The following MBD5 variants were observed in gnomAD, a reference collection of about 807,000 sequenced individuals.
MBD5 encodes methyl-CpG binding domain protein 5, also known as methyl-CpG-binding domain protein 5.
Under a neutral mutation model 117.3 loss-of-function variants are expected in MBD5, and 13 were observed. That is an observed-to-expected ratio of 0.11 (90% CI 0.07 to 0.18). MBD5 has a LOEUF of 0.18. Among genes scored for constraint, MBD5 ranks in the 10% least tolerant of loss-of-function variants. The pLI, the probability that MBD5 is intolerant of heterozygous loss-of-function variation, is 1.00. For synonymous variants in MBD5, 727 were observed against 766.4 expected, an observed-to-expected ratio of 0.95 and a Z score of 0.85; for missense variants, 1,879 against 2,093.8, an observed-to-expected ratio of 0.90 and a Z score of 2.00.
chr2:148,102,467 G>A (rs1406680945), intron 1 of MBD5, among the ~76,000 whole-genome samples: 3 of 152,038 alleles, frequency 2.0e-5, no homozygotes, highest in Non-Finnish European at 4.4e-5. Flanking sequence ...TAGCTTGTCT[G>A]TTACACAGCT....
rs751390847 is a variant in MBD5, at chr2:148,021,616, C to G, written c.-993C>G. 52 of 465,438 alleles carry G rather than the reference C, an allele frequency of 1.1e-4. No individual in the cohort carries two copies. The highest frequency in any genetic ancestry group is 1.9e-4 in the Non-Finnish European group (45 of 237,174). 28.8% of individuals were successfully genotyped at this position (465,438 alleles called of 1,614,324 possible). A position where few individuals can be genotyped will look rare whatever the true frequency, so the allele number is the denominator to read the frequency against. On this transcript the variant is annotated 5_prime_UTR_variant, in exon 1 of 14. Transcript: ENST00000642680. ...TTCGCCTCCTCCTCCTCCACTCCCC[C>G]CCTTTATTACCCTTTGTGTCATCCT...
chr2:148,454,338 G>T (rs1262049559), intron 4 of MBD5, among the ~76,000 whole-genome samples: 2 of 152,060 alleles, frequency 1.3e-5, no homozygotes, highest in Non-Finnish European at 2.9e-5. Context: ...ATGAATAGTT[G>T]TATAATCATA....
At chr2:148,448,811 A>C (rs760645072) in intron 4 of MBD5, among the ~76,000 whole-genome samples, 3 of 152,064 alleles carry the variant, frequency 2.0e-5, no homozygotes, top group Non-Finnish European at 4.4e-5. Context: ...TGACGTTCAT[A>C]TATCAAGCTG....
chr2:148,308,492 T>C (rs1436193989), intron 3 of MBD5, among the ~76,000 whole-genome samples: 1 of 26,018 alleles, frequency 3.8e-5, no homozygotes, highest in African/African-American at 1.4e-4. Flanking sequence ...GGGTTCTTTC[T>C]TTTTTTTTTT....
At chr2:148,173,350 C>G (rs992268625) in intron 1 of MBD5, among the ~76,000 whole-genome samples, 1 of 152,184 alleles carries the variant, frequency 6.6e-6, no homozygotes, top group Non-Finnish European at 1.5e-5. Flanking sequence ...GTAGCTGGTG[C>G]CTTTGCCAGC....
At chr2:148,426,577 G>T (rs981685965) in intron 4 of MBD5, among the ~76,000 whole-genome samples, 1 of 152,098 alleles carries the variant, frequency 6.6e-6, no homozygotes. Context: ...AATAAATGGT[G>T]CTGGGAAAAC....
chr2:148,389,527 G>A (rs779129761), intron 4 of MBD5, among the ~76,000 whole-genome samples: 1 of 151,582 alleles, frequency 6.6e-6, no homozygotes, highest in Non-Finnish European at 1.5e-5. Context: ...TATAGGAATT[G>A]AAGTAATTTG....
At position 148,282,604 on chromosome 2, in the gene MBD5, C is replaced by A. The variant is rs571887325; in HGVS notation, c.-680+49209C>A. On this transcript the variant is annotated intron_variant, in intron 3 of 13. Transcript: ENST00000642680. ...TATATAATTAGCATAGCATTATGAA[C>A]CCTCAATGAATGTTAGCCATTACTC... Among the ~76,000 whole-genome samples, 7 of 151,746 alleles carry A rather than the reference C, an allele frequency of 4.6e-5. No individual in the cohort carries two copies. In the South Asian group the frequency reaches 6.3e-4, roughly 14 times the overall value.
intron 4 of MBD5, among the ~76,000 whole-genome samples, chr2:148,428,677 C>T (rs1705887531): frequency 6.6e-6 from 1 of 152,146 alleles, no homozygotes; most frequent in Admixed American, 6.5e-5. Context: ...ACAGAGGCCT[C>T]AGAAATCACA....
At chr2:148,230,970 G>A (rs2106138395) in intron 2 of MBD5, among the ~76,000 whole-genome samples, 2 of 152,274 alleles carry the variant, frequency 1.3e-5, no homozygotes, top group African/African-American at 2.4e-5. Context: ...AATGGAGTGA[G>A]TGGGTCTTTT....
intron 4 of MBD5, among the ~76,000 whole-genome samples, chr2:148,427,946 G>A (rs1198640048): frequency 6.6e-6 from 1 of 152,080 alleles, no homozygotes; most frequent in African/African-American, 2.4e-5. Flanking sequence ...AGACAAGGAT[G>A]CCCTCTCTCA....
Position 148,490,251 on chromosome 2 carries a change from C to T in MBD5, c.4619C>T (p.Thr1540Ile), listed in dbSNP as rs773786798. The T allele has an allele frequency of 6.2e-7, 1 of 1,614,200 alleles. No homozygotes were observed. The highest frequency in any genetic ancestry group is 1.1e-5 in the South Asian group (1 of 91,084). Residue 1540 changes from threonine to isoleucine, a missense_variant, in exon 11 of 14, where the codon ACT becomes ATT. Coordinates refer to ENST00000642680, the MANE Select transcript of MBD5 (RefSeq NM_001378120.1). ...QSRGFGELLSTAKQDLVLEEQ... is the reference protein window; with the variant it reads ...QSRGFGELLSIAKQDLVLEEQ... ...CGGGGATTTGGAGAGCTGCTAAGCA[C>T]TGCAAAGCAAGACCTGGTCCTAGAG...
At chr2:148,386,055 A>G (rs892078483) in intron 4 of MBD5, among the ~76,000 whole-genome samples, 3 of 152,018 alleles carry the variant, frequency 2.0e-5, no homozygotes, top group Admixed American at 1.3e-4. Flanking sequence ...GCACATGTAT[A>G]CATATGTAAC....
In MBD5 at chr2:148,469,625, C is replaced by T. The variant is rs1680723459; in HGVS notation, c.1682C>T (p.Pro561Leu). The T allele has an allele frequency of 1.2e-6, 2 of 1,613,960 alleles. No homozygotes were observed. The highest frequency in any genetic ancestry group is 1.7e-6 in the Non-Finnish European group (2 of 1,179,912). The change falls in exon 8 of 14, where the codon CCT becomes CTT. Residue 561 changes from proline to leucine, a missense_variant. By Grantham distance (98) the Pro-to-Leu change is moderately conservative (BLOSUM62 -3). This residue lies in a region of MBD5 where 1,666 missense variants were observed against 1,792.2 expected (regional missense o/e 0.93). Coordinates refer to ENST00000642680, the MANE Select transcript of MBD5 (RefSeq NM_001378120.1). ...AGTCAGCCTGGTTTGCTGGGAATGC[C>T]TTTAAATCAGATCTTGAACCAGCAC... ...VKSQPGLLGM[P>L]LNQILNQHNA...
intron 5 of MBD5, 43 bp from the exon 6 acceptor site, chr2:148,462,539 A>G: frequency 8.4e-7 from 1 of 1,196,354 alleles, no homozygotes; most frequent in Non-Finnish European, 1.2e-6. Flanking sequence ...TAATATGTGT[A>G]GTCAAAATTA....
chr2:148,069,147 A>G (rs1695287606), intron 1 of MBD5, among the ~76,000 whole-genome samples: 1 of 152,206 alleles, frequency 6.6e-6, no homozygotes, highest in South Asian at 2.1e-4. Context: ...ACCCAGTGTT[A>G]GCAAGCATGT....
At chr2:148,442,035 A>T (rs1706342179) in intron 4 of MBD5, among the ~76,000 whole-genome samples, 4 of 151,770 alleles carry the variant, frequency 2.6e-5, no homozygotes, top group Middle Eastern at 3.4e-3. Context: ...GATTGCAAAA[A>T]TTTTCTCCTA....
At chr2:148,043,307 G>A (rs1694421949) in intron 1 of MBD5, among the ~76,000 whole-genome samples, 1 of 151,186 alleles carries the variant, frequency 6.6e-6, no homozygotes. Flanking sequence ...AAATAAATTA[G>A]CCGGGCATGG....
chr2:148,403,185 C>CTT (rs35320980), intron 4 of MBD5, among the ~76,000 whole-genome samples: 1 of 144,522 alleles, frequency 6.9e-6, no homozygotes, highest in Non-Finnish European at 1.5e-5. Context: ...TAATGTTCTT[C>CTT]TTTTTTTTTT....
Sources: gnomAD v4.1 joint callset for allele counts (sites outside exome capture counted in the v4.1 genomes callset) on GRCh38, gnomAD v4.1.1 for gene constraint, gnomAD v4.1.1 regional missense constraint, MANE v1.5 for transcripts, NCBI Gene and HGNC (gene_info 2026-07-23, HGNC 2026-07-21) for gene names.